Variants in FANCD2 observed in about 807,000 individuals in gnomAD.
The protein encoded by FANCD2 is FA complementation group D2.
Under a neutral mutation model 192.3 loss-of-function variants are expected in FANCD2, and 131 were observed. The observed-to-expected ratio is 0.68, with a 90% CI of 0.59 to 0.79. FANCD2 has a LOEUF of 0.79. FANCD2 is among the 30% of genes least tolerant of loss of function. FANCD2 has a pLI of 0.00. For missense variants in FANCD2, 1,508 were observed against 1,701.6 expected (o/e 0.89, Z 2.00); for synonymous variants, 524 against 612.5 (o/e 0.86, Z 2.13).
At chr3:10,050,425 C>T (rs1268581175) in intron 17 of FANCD2, among the ~76,000 whole-genome samples, 8 of 150,712 alleles carry the variant, frequency 5.3e-5, no homozygotes, top group African/African-American at 2.4e-5. Flanking sequence ...GAGATCAAGA[C>T]CATCCTGCCT....
At chr3:10,050,019 G>T (rs1334913993) in intron 17 of FANCD2, among the ~76,000 whole-genome samples, 1 of 152,160 alleles carries the variant, frequency 6.6e-6, no homozygotes, top group Admixed American at 6.5e-5. Context: ...ATATGGAGAG[G>T]AATGATTGGA....
intron 7 of FANCD2, among the ~76,000 whole-genome samples, chr3:10,038,072 C>G (rs1429913323): frequency 2.0e-5 from 3 of 152,188 alleles, no homozygotes; most frequent in Non-Finnish European, 2.9e-5. Context: ...CTCACTGCAA[C>G]CTCTGCCTCC....
chr3:10,041,842 CT>C (rs201603399), intron 10 of FANCD2, 132 bp downstream of exon 10: 57,961 of 508,546 alleles, frequency 0.11, no homozygotes, highest in East Asian at 0.19. Context: ...TGATATCTCT[CT>C]TTTTTTTTTT....
chr3:10,071,071 T>TG (rs1241144259), intron 26 of FANCD2, among the ~76,000 whole-genome samples: 2 of 146,026 alleles, frequency 1.4e-5, no homozygotes, highest in Non-Finnish European at 3.0e-5. Flanking sequence ...CCTCCACTAT[T>TG]GTCCTATGAC....
At chr3:10,070,383 G>C (rs886350463) in intron 26 of FANCD2, among the ~76,000 whole-genome samples, 2 of 131,040 alleles carry the variant, frequency 1.5e-5, no homozygotes, top group African/African-American at 3.1e-5. Flanking sequence ...AGGTCAGGGG[G>C]TCAGCCCCCC....
At chr3:10,068,534 G>A (rs1192302898) in intron 26 of FANCD2, among the ~76,000 whole-genome samples, 2 of 151,638 alleles carry the variant, frequency 1.3e-5, no homozygotes, top group South Asian at 2.1e-4. Context: ...TTCATGGATC[G>A]GAAGAATTAA....
At chr3:10,099,963 A>C (rs1048371689) in intron 43 of FANCD2, among the ~76,000 whole-genome samples, 2 of 152,228 alleles carry the variant, frequency 1.3e-5, no homozygotes, top group African/African-American at 4.8e-5. Context: ...TGTGAGGCTG[A>C]GGTGGGAGGA....
Position 10,049,403 on chromosome 3 carries a change from C to T in FANCD2, c.1443C>T (p.Ile481=), listed in dbSNP as rs746537955. Residue 481 remains isoleucine (I), a synonymous_variant, in exon 17 of 44, where the codon ATC becomes ATT. Coordinates refer to ENST00000675286, the MANE Select transcript of FANCD2 (RefSeq NM_001018115.3). The stretch of plus-strand genomic sequence containing the variant: ...TGGTTGGTGCCTTAGTGACCCATAT[C>T]TGCAGTGGGAATGAAGCTGAAGTTG... The part of the protein sequence containing the change: ...QEVVGALVTH[I]CSGNEAEVDT... 1 of 1,612,218 alleles carries T rather than the reference C, an allele frequency of 6.2e-7. No homozygotes were observed. The highest frequency in any genetic ancestry group is 8.5e-7 in the Non-Finnish European group (1 of 1,179,146).
intron 1 of FANCD2, 41 bp from the exon 2 acceptor site, chr3:10,028,584 A>G (rs2086514307): frequency 7.6e-7 from 1 of 1,323,170 alleles, no homozygotes; most frequent in African/African-American, 1.4e-5. Flanking sequence ...CTCAGAATTT[A>G]TCTTCTAGAG....
At chr3:10,080,135 G>A (rs1275655388) in intron 30 of FANCD2, among the ~76,000 whole-genome samples, 2 of 151,962 alleles carry the variant, frequency 1.3e-5, no homozygotes. Context: ...GGATTGTCTT[G>A]ATCTCTTGAC....
chr3:10,033,121 T>A, intron 3 of FANCD2, 149 bp downstream of exon 3: 2 of 760,694 alleles, frequency 2.6e-6, no homozygotes, highest in Non-Finnish European at 2.2e-6. Context: ...TAGAAAATGG[T>A]ACAGTCAGGC....
At chr3:10,080,586 T>C (rs1354235840) in intron 30 of FANCD2, among the ~76,000 whole-genome samples, 1 of 152,214 alleles carries the variant, frequency 6.6e-6, no homozygotes. Context: ...GCCTGGTTAA[T>C]GTGGTTAAAC....
At chr3:10,054,370 TGTATATAC>T (rs1319519499) in intron 18 of FANCD2, among the ~76,000 whole-genome samples, 1 of 87,090 alleles carries the variant, frequency 1.1e-5, no homozygotes, top group African/African-American at 7.9e-5. Context: ...TATATATACG[TGTATATAC>T]ATATATATAT....
chr3:10,071,046 T>C (rs1267359355), intron 26 of FANCD2, among the ~76,000 whole-genome samples: 25 of 147,856 alleles, frequency 1.7e-4, no homozygotes, highest in African/African-American at 6.0e-4. Flanking sequence ...TTCACTTGTT[T>C]ATCTGCCGAC....
chr3:10,098,053 C>T (rs1436036733), intron 42 of FANCD2, among the ~76,000 whole-genome samples: 2 of 152,088 alleles, frequency 1.3e-5, no homozygotes, highest in African/African-American at 4.8e-5. Context: ...GGAGTTACAA[C>T]ATTTTTCAGA....
chr3:10,067,459 C>CA (rs1447667677), intron 26 of FANCD2, 142 bp downstream of exon 26: 7 of 652,066 alleles, frequency 1.1e-5, no homozygotes, highest in Admixed American at 2.6e-5. Flanking sequence ...AACATTGATA[C>CA]AAAAATCCTA....
At chr3:10,068,812 A>G (rs2087789745) in intron 26 of FANCD2, among the ~76,000 whole-genome samples, 1 of 152,212 alleles carries the variant, frequency 6.6e-6, no homozygotes, top group Non-Finnish European at 1.5e-5. Flanking sequence ...ATACCAATGG[A>G]ACAGAAGAGA....
chr3:10,055,729 G>A (rs1301054975), intron 18 of FANCD2, among the ~76,000 whole-genome samples: 9 of 151,928 alleles, frequency 5.9e-5, no homozygotes, highest in East Asian at 3.9e-4. Flanking sequence ...GGGGAATGGC[G>A]TGAACCCGGG....
intron 37 of FANCD2, among the ~76,000 whole-genome samples, 173 bp downstream of exon 37, chr3:10,090,558 A>G (rs1694537464): frequency 6.8e-6 from 1 of 146,774 alleles, no homozygotes; most frequent in Admixed American, 7.1e-5. Flanking sequence ...TCCTGGGTTC[A>G]AGCAATTCTC....
Sources: allele counts gnomAD v4.1 joint callset (sites outside exome capture counted in the v4.1 genomes callset), GRCh38; gene constraint gnomAD v4.1.1; transcripts MANE v1.5; gene names NCBI Gene and HGNC (gene_info 2026-07-23, HGNC 2026-07-21).